The following GPC5 variants were observed in gnomAD, a reference collection of about 807,000 sequenced individuals.
GPC5 encodes glypican-5.
In GPC5, 47 loss-of-function variants were observed where a neutral mutation model predicts 53.9. The ratio of observed to expected loss-of-function variants is 0.87; its 90% CI spans 0.69 to 1.11. The LOEUF is 1.11. GPC5 is among the 50% of genes most tolerant of loss of function. The pLI, the probability that GPC5 is intolerant of heterozygous loss-of-function variation, is 0.00. For missense variants in GPC5, 748 were observed against 713.1 expected (o/e 1.05, Z -0.56); for synonymous variants, 286 against 263.3 (o/e 1.09, Z -0.84).
rs1374733621 is a variant in GPC5 at position 91,399,163 on chromosome 13, G to T, written c.117G>T (p.Trp39Cys). Residue 39 changes from tryptophan to cysteine, a missense_variant, in exon 1 of 8, where the codon TGG (tryptophan) becomes TGT (cysteine). Trp to Cys is a radical substitution (Grantham distance 215). Transcript: ENST00000377067. ...TCEEVRKLFQ[W>C]RLLGAVRGLP... is the part of the protein sequence containing the mutation. ...AAGAAGTTCGGAAACTTTTCCAGTG[G>T]CGGCTGCTGGGAGCTGTCAGGGGGC... 9.3e-6 allele frequency: 15 copies of T among 1,612,898 alleles called. No individual in the cohort carries two copies. Among genetic ancestry groups the T allele is most frequent in the Non-Finnish European group, 1.3e-5 (15 of 1,179,752 alleles).
chr13:92,178,959 G>A (rs2042127677), intron 7 of GPC5, among the ~76,000 whole-genome samples: 2 of 151,766 alleles, frequency 1.3e-5, no homozygotes, highest in Non-Finnish European at 1.5e-5. Flanking sequence ...TGACAGAGCG[G>A]GACCCTGTCT....
At chr13:92,297,738 A>C (rs960614178) in intron 7 of GPC5, among the ~76,000 whole-genome samples, 1 of 152,092 alleles carries the variant, frequency 6.6e-6, no homozygotes, top group Admixed American at 6.6e-5. Flanking sequence ...GGGTGGGGCC[A>C]GATAAGAGAA....
At chr13:92,713,252 G>A (rs1177928752) in intron 7 of GPC5, among the ~76,000 whole-genome samples, 3 of 151,894 alleles carry the variant, frequency 2.0e-5, no homozygotes, top group African/African-American at 7.3e-5. Flanking sequence ...AGACTGAAGG[G>A]ACATTTCACT....
intron 6 of GPC5, among the ~76,000 whole-genome samples, chr13:91,972,213 T>G (rs1482172688): frequency 3.9e-5 from 6 of 152,224 alleles, no homozygotes. Flanking sequence ...CCCTTTACCA[T>G]TATGTAATGG....
intron 5 of GPC5, among the ~76,000 whole-genome samples, chr13:91,846,304 G>GA (rs879841640): frequency 3.4e-5 from 5 of 149,210 alleles, no homozygotes; most frequent in Admixed American, 1.3e-4. Flanking sequence ...TTATGTTGAA[G>GA]AAAAAAAAAC....
intron 7 of GPC5, among the ~76,000 whole-genome samples, chr13:92,844,221 A>T (rs926052984): frequency 3.9e-5 from 6 of 152,124 alleles, no homozygotes; most frequent in Non-Finnish European, 7.4e-5. Flanking sequence ...AAAAAATTAC[A>T]GTGTAGAAAG....
intron 2 of GPC5, among the ~76,000 whole-genome samples, chr13:91,545,999 C>A (rs2030264405): frequency 6.6e-6 from 1 of 151,940 alleles, no homozygotes; most frequent in Admixed American, 6.6e-5. Flanking sequence ...TGTGGATTAT[C>A]ATCTCCTGAA....
intron 7 of GPC5, among the ~76,000 whole-genome samples, chr13:92,258,677 TCAAA>T (rs1308145916): frequency 1.3e-5 from 2 of 152,182 alleles, no homozygotes; most frequent in African/African-American, 4.8e-5. Flanking sequence ...TGGTAAAGCC[TCAAA>T]CAGTCTTCAT....
intron 7 of GPC5, among the ~76,000 whole-genome samples, chr13:92,639,183 A>G (rs1287510398): frequency 6.6e-6 from 1 of 152,180 alleles, no homozygotes; most frequent in East Asian, 1.9e-4. Context: ...TTTTATCTAC[A>G]AAAGATTTTA....
intron 7 of GPC5, among the ~76,000 whole-genome samples, chr13:92,456,097 A>C (rs1049202105): frequency 2.6e-5 from 4 of 152,220 alleles, no homozygotes; most frequent in African/African-American, 9.6e-5. Context: ...ATTTTACACT[A>C]TGTAACTACT....
chr13:91,635,889 A>G (rs1489886887), intron 2 of GPC5, among the ~76,000 whole-genome samples: 11 of 152,146 alleles, frequency 7.2e-5, no homozygotes. Context: ...TACAATGTAG[A>G]GTCTTCCTAT....
intron 5 of GPC5, among the ~76,000 whole-genome samples, chr13:91,845,361 T>A (rs746333756): frequency 3.3e-5 from 5 of 152,154 alleles, no homozygotes; most frequent in Non-Finnish European, 7.4e-5. Context: ...GACAAAACTG[T>A]ACATATTTAA....
At chr13:91,423,170 TTC>T (rs1398402907) in intron 1 of GPC5, among the ~76,000 whole-genome samples, 5 of 152,162 alleles carry the variant, frequency 3.3e-5, no homozygotes, top group Non-Finnish European at 5.9e-5. Flanking sequence ...ATAAAAACTA[TTC>T]TCAGAAATAT....
At chr13:92,031,820 T>TTA (rs2040850758) in intron 6 of GPC5, among the ~76,000 whole-genome samples, 1 of 107,990 alleles carries the variant, frequency 9.3e-6, no homozygotes, top group Non-Finnish European at 1.7e-5. Flanking sequence ...ATATTACATA[T>TTA]TATATATAAT....
intron 2 of GPC5, among the ~76,000 whole-genome samples, chr13:91,663,698 A>G (rs2035039518): frequency 6.6e-6 from 1 of 152,134 alleles, no homozygotes; most frequent in South Asian, 2.1e-4. Flanking sequence ...TCCTGGCCTG[A>G]AGCAGTCTTC....
intron 7 of GPC5, among the ~76,000 whole-genome samples, chr13:92,383,871 T>C (rs1041222388): frequency 6.6e-6 from 1 of 152,184 alleles, no homozygotes; most frequent in Non-Finnish European, 1.5e-5. Flanking sequence ...ACTCTAAGAA[T>C]GCAACTGTCA....
intron 7 of GPC5, among the ~76,000 whole-genome samples, chr13:92,269,553 C>A (rs71427540): frequency 0.012 from 1,837 of 152,214 alleles, 37 homozygotes; most frequent in Middle Eastern, 0.044. Context: ...CTACAGGCAT[C>A]TGCCACCATG....
intron 7 of GPC5, among the ~76,000 whole-genome samples, chr13:92,663,600 A>G (rs1294068322): frequency 3.5e-5 from 3 of 85,022 alleles, no homozygotes; most frequent in African/African-American, 1.0e-4. Flanking sequence ...TATATCTACT[A>G]TATATATATA....
chr13:91,779,197 G>A (rs745824466), intron 5 of GPC5, among the ~76,000 whole-genome samples: 7 of 152,098 alleles, frequency 4.6e-5, no homozygotes, highest in Non-Finnish European at 7.4e-5. Flanking sequence ...TCAATAATGA[G>A]TTAAAATTAG....
Sources: allele counts gnomAD v4.1 joint callset (sites outside exome capture counted in the v4.1 genomes callset), GRCh38; gene constraint gnomAD v4.1.1; transcripts MANE v1.5; gene names NCBI Gene and HGNC (gene_info 2026-07-23, HGNC 2026-07-21).